N4BP2L2: variants seen among roughly 807,000 people sequenced by gnomAD.
N4BP2L2 encodes the protein NEDD4 binding protein 2 like 2, also known as NEDD4-binding protein 2-like 2.
Under a neutral mutation model 56.2 loss-of-function variants are expected in N4BP2L2, and 50 were observed. The ratio of observed to expected loss-of-function variants is 0.89; its 90% CI spans 0.71 to 1.13. The LOEUF (loss-of-function observed/expected upper bound fraction) is 1.13. Among genes scored for constraint, N4BP2L2 ranks in the 50% most tolerant of loss-of-function variants. The pLI, the probability that N4BP2L2 is intolerant of heterozygous loss-of-function variation, is 0.00. For synonymous variants in N4BP2L2, 203 were observed against 223.6 expected (o/e 0.91, Z 0.82); for missense variants, 689 against 693.8 (o/e 0.99, Z 0.08).
intron 6 of N4BP2L2, among the ~76,000 whole-genome samples, chr13:32,457,396 T>C (rs1168606239): frequency 1.3e-5 from 2 of 152,014 alleles, no homozygotes; most frequent in Non-Finnish European, 2.9e-5. Flanking sequence ...GAAACCCAAA[T>C]AGATGTAACT....
At position 32,444,004 on chromosome 13, in the gene N4BP2L2, A is replaced by T; in HGVS notation, c.488T>A (p.Leu163Ter). ...CTGATCTCCCGGTGTAAGATCACTTAAGAATTCTAATGAGTTTTCCTCCAT... is the reference window on the plus strand; with the variant it reads ...CTGATCTCCCGGTGTAAGATCACTTTAGAATTCTAATGAGTTTTCCTCCAT... Residue 163 changes from leucine to a stop codon, truncating the protein, a stop_gained, in exon 7 of 10, where the codon TTA (leucine) becomes TAA (stop). Transcript: ENST00000357505. LOFTEE classifies it high-confidence loss of function. 6.2e-7 allele frequency: 1 copy of T among 1,609,066 alleles called. No individual in the cohort carries two copies. Among genetic ancestry groups the T allele is most frequent in the Non-Finnish European group, 8.5e-7 (1 of 1,177,474 alleles).
chr13:32,471,357 GC>G (rs957450171), intron 6 of N4BP2L2, among the ~76,000 whole-genome samples: 9 of 152,356 alleles, frequency 5.9e-5, no homozygotes, highest in African/African-American at 2.2e-4. Context: ...GGACCTCTGG[GC>G]CAGAATGACT....
chr13:32,495,338 G>A (rs1283251279), intron 6 of N4BP2L2, among the ~76,000 whole-genome samples: 1 of 152,094 alleles, frequency 6.6e-6, no homozygotes, highest in East Asian at 1.9e-4. Context: ...ACAGGTTAAG[G>A]ACTGGCACCC....
At chr13:32,490,804 C>T (rs2086899175) in intron 6 of N4BP2L2, among the ~76,000 whole-genome samples, 1 of 152,054 alleles carries the variant, frequency 6.6e-6, no homozygotes, top group Non-Finnish European at 1.5e-5. Flanking sequence ...CTAATGCCAC[C>T]GCTGATCTGA....
chr13:32,443,491 A>C, exon 7 of N4BP2L2: 1 of 1,612,308 alleles, frequency 6.2e-7, no homozygotes. Flanking sequence ...CTCTCTTAAA[A>C]CTTTATCTGA....
At chr13:32,449,754 T>C (rs1566038329) in intron 6 of N4BP2L2, among the ~76,000 whole-genome samples, 1 of 152,190 alleles carries the variant, frequency 6.6e-6, no homozygotes, top group Admixed American at 6.5e-5. Flanking sequence ...AGCAATCTTA[T>C]AAATTTCACT....
intron 5 of N4BP2L2, among the ~76,000 whole-genome samples, chr13:32,519,604 C>T (rs2050224169): frequency 6.6e-6 from 1 of 151,960 alleles, no homozygotes; most frequent in Non-Finnish European, 1.5e-5. Context: ...AAGCTGAGAT[C>T]GCCCCACTGA....
At chr13:32,508,156 A>G (rs893421078), downstream of N4BP2L2, 10 of 152,222 alleles carry the variant, frequency 6.6e-5, no homozygotes, top group African/African-American at 2.4e-4. Flanking sequence ...ACAGAGGAAT[A>G]TTCTGGAGAC....
At chr13:32,494,872 G>A (rs1324094102) in intron 6 of N4BP2L2, among the ~76,000 whole-genome samples, 1 of 152,072 alleles carries the variant, frequency 6.6e-6, no homozygotes, top group Non-Finnish European at 1.5e-5. Flanking sequence ...TCAATAATCT[G>A]GCTGGCCAAA....
At chr13:32,509,280 T>TCACCA (rs1197439893), downstream of N4BP2L2, 3 of 152,210 alleles carry the variant, frequency 2.0e-5, no homozygotes, top group Non-Finnish European at 4.4e-5. Context: ...CGGAGCACTT[T>TCACCA]GGATTTCCAG....
chr13:32,464,927 A>G (rs2080942950), intron 6 of N4BP2L2, among the ~76,000 whole-genome samples: 1 of 152,206 alleles, frequency 6.6e-6, no homozygotes, highest in Non-Finnish European at 1.5e-5. Context: ...AAAATTGTTA[A>G]ATCATCCAAT....
At chr13:32,438,985 C>T (rs1322760451) in intron 7 of N4BP2L2, among the ~76,000 whole-genome samples, 1 of 152,242 alleles carries the variant, frequency 6.6e-6, no homozygotes, top group African/African-American at 2.4e-5. Flanking sequence ...GAGCTTGGCT[C>T]GTCCAATCTA....
exon 7 of N4BP2L2, chr13:32,444,031 A>T (rs1022973499): frequency 2.5e-6 from 4 of 1,608,188 alleles, no homozygotes; most frequent in Middle Eastern, 1.7e-4. Flanking sequence ...TTCCTCCATG[A>T]TTCTATTCTG....
At chr13:32,489,017 G>C (rs996424093) in intron 6 of N4BP2L2, among the ~76,000 whole-genome samples, 1 of 152,128 alleles carries the variant, frequency 6.6e-6, no homozygotes, top group Non-Finnish European at 1.5e-5. Flanking sequence ...AGGTTGCAGT[G>C]AGCTGAGATT....
At chr13:32,454,331 C>T (rs2078592406) in intron 6 of N4BP2L2, among the ~76,000 whole-genome samples, 2 of 152,006 alleles carry the variant, frequency 1.3e-5, no homozygotes, top group African/African-American at 2.4e-5. Context: ...GGAACAAAGA[C>T]TTCAGTAGAA....
chr13:32,528,743 TAA>T (rs746570597), intron 2 of N4BP2L2, among the ~76,000 whole-genome samples: 16 of 152,058 alleles, frequency 1.1e-4, no homozygotes, highest in Non-Finnish European at 2.1e-4. Flanking sequence ...GAATTGAGAG[TAA>T]AAGAATATTG....
chr13:32,445,586 G>A (rs1321830912), intron 6 of N4BP2L2, among the ~76,000 whole-genome samples: 3 of 152,222 alleles, frequency 2.0e-5, no homozygotes, highest in Non-Finnish European at 2.9e-5. Flanking sequence ...TGCCCAGATT[G>A]TAGTGGTTCT....
chr13:32,443,708 T>C (rs372752754), exon 7 of N4BP2L2: 3 of 1,593,742 alleles, frequency 1.9e-6, no homozygotes, highest in East Asian at 4.5e-5. Context: ...TGAGTCAGTA[T>C]TGGACAAGTA....
chr13:32,436,017 C>T (rs935517612), intron 9 of N4BP2L2, among the ~76,000 whole-genome samples: 1 of 152,196 alleles, frequency 6.6e-6, no homozygotes, highest in Non-Finnish European at 1.5e-5. Flanking sequence ...GTAGAACCTA[C>T]ACCCCTAATT....
Sources: allele counts gnomAD v4.1 joint callset (sites outside exome capture counted in the v4.1 genomes callset), GRCh38; gene constraint gnomAD v4.1.1; transcripts MANE v1.5; gene names NCBI Gene and HGNC (gene_info 2026-07-23, HGNC 2026-07-21).